Variants in SLC35E1 observed in about 807,000 individuals in gnomAD.
SLC35E1 encodes the protein solute carrier family 35, member E1.
A neutral mutation model predicts 31.0 loss-of-function variants in SLC35E1; 12 were observed. The ratio of observed to expected loss-of-function variants is 0.39; its 90% CI spans 0.25 to 0.63. SLC35E1 has a LOEUF of 0.63. SLC35E1 is among the 20% of genes least tolerant of loss of function. The pLI is 0.52. For synonymous variants in SLC35E1, 257 were observed against 264.1 expected (o/e 0.97, Z 0.26); for missense variants, 429 against 572.2 (o/e 0.75, Z 2.55).
Position 16,555,210 on chromosome 19 carries a change from G to T in SLC35E1, c.944C>A (p.Thr315Asn). Residue 315 changes from threonine (T) to asparagine (N), a missense_variant, in exon 5 of 6, where the codon ACC (threonine) becomes AAC (asparagine). Thr to Asn is a moderately conservative substitution (Grantham distance 65). Transcript: ENST00000595753. This position sits in a 1 kb window ranked among gnomAD's most constrained non-coding sequence, Gnocchi z 4.1. ...CATCATGCCCAGGACGTTGGTGCTG[G>T]TGACTGGGTTGCGCAGCATGATCAG... ...VSLIMLRNPV[T>N]STNVLGMMTA... is the part of the protein sequence containing the mutation. The T allele has an allele frequency of 6.2e-7, 1 of 1,614,188 alleles. No individual in the cohort carries two copies. The highest frequency in any genetic ancestry group is 8.5e-7 in the Non-Finnish European group (1 of 1,180,032).
At chr19:16,561,958 C>A (rs977119812) in intron 4 of SLC35E1, among the ~76,000 whole-genome samples, 1 of 151,894 alleles carries the variant, frequency 6.6e-6, no homozygotes, top group Admixed American at 6.6e-5. Context: ...GAGGCCAAGG[C>A]GGGAGGATGG....
At chr19:16,566,507 G>A (rs373652405) in intron 4 of SLC35E1, 25 bp downstream of exon 4, 9 of 1,611,584 alleles carry the variant, frequency 5.6e-6, no homozygotes, top group South Asian at 4.4e-5. Context: ...AGAAAATGGC[G>A]TGTTCTTGGT....
At chr19:16,571,099 A>G (rs1385993588) in intron 2 of SLC35E1, among the ~76,000 whole-genome samples, 8 of 151,564 alleles carry the variant, frequency 5.3e-5, no homozygotes. Context: ...CCGTCTCAAA[A>G]AAAAAAAAAA....
At chr19:16,560,693 C>T (rs2085900262) in intron 4 of SLC35E1, among the ~76,000 whole-genome samples, 1 of 147,310 alleles carries the variant, frequency 6.8e-6, no homozygotes, top group African/African-American at 2.5e-5. Context: ...GAAACCCCGT[C>T]TCTACTAAAA....
At chr19:16,556,584 A>G (rs1368525341) in intron 4 of SLC35E1, among the ~76,000 whole-genome samples, 1 of 152,256 alleles carries the variant, frequency 6.6e-6, no homozygotes, top group Non-Finnish European at 1.5e-5. Context: ...CCAGAAATTA[A>G]GAAATCACAA....
intron 4 of SLC35E1, among the ~76,000 whole-genome samples, chr19:16,563,052 C>T (rs1274026428): frequency 2.0e-5 from 3 of 152,068 alleles, no homozygotes; most frequent in South Asian, 2.1e-4. Context: ...TGGGCGTGGT[C>T]GCTTACGCCT....
intron 4 of SLC35E1, among the ~76,000 whole-genome samples, chr19:16,560,169 ATG>A (rs1006088643): frequency 9.2e-5 from 14 of 151,992 alleles, no homozygotes; most frequent in African/African-American, 3.4e-4. Flanking sequence ...TCATCCTCAC[ATG>A]TGTGACGCTC....
In SLC35E1 at chr19:16,550,938, T is replaced by A. The variant is rs1358091177; in HGVS notation, c.*2741A>T. ...TTTCCCGTCACCAGCAGATCTTGCA[T>A]TGGAAAAGGAAAATAATATACAAAT... On this transcript the variant is annotated 3_prime_UTR_variant, in exon 6 of 6. Coordinates refer to ENST00000595753, the MANE Select transcript of SLC35E1 (RefSeq NM_024881.5). 1 of 152,182 alleles carries A rather than the reference T, an allele frequency of 6.6e-6. No homozygotes were observed. Among genetic ancestry groups the A allele is most frequent in the African/African-American group, 2.4e-5 (1 of 41,430 alleles). 9.4% of individuals were successfully genotyped at this position (152,182 alleles called of 1,614,324 possible). A position where few individuals can be genotyped will look rare whatever the true frequency, so the allele number is the denominator to read the frequency against.
intron 5 of SLC35E1, among the ~76,000 whole-genome samples, chr19:16,554,110 C>CA (rs1438332341): frequency 6.6e-6 from 1 of 150,896 alleles, no homozygotes; most frequent in Non-Finnish European, 1.5e-5. Flanking sequence ...ACTAAAAATA[C>CA]AAAAAATTAA....
At position 16,554,754 on chromosome 19, in the gene SLC35E1, G is replaced by GT. The variant is rs539430201; in HGVS notation, c.1002+397dup. Among the ~76,000 whole-genome samples, 438 of 148,642 alleles carry GT rather than the reference G, an allele frequency of 2.9e-3. 2 individuals are homozygous for GT. The highest frequency in any genetic ancestry group is 3.7e-3 in the Non-Finnish European group (249 of 67,270). On this transcript the variant is annotated intron_variant, in intron 5 of 5. Coordinates refer to ENST00000595753, the MANE Select transcript of SLC35E1 (RefSeq NM_024881.5). ...AATCGCTTGACCCCGGGAGGCGGAG[G>GT]TTGCAGTAAGCTGGGATGGAGCGCC...
chr19:16,563,086 C>T (rs759740265), intron 4 of SLC35E1, among the ~76,000 whole-genome samples: 7 of 151,944 alleles, frequency 4.6e-5, no homozygotes, highest in Non-Finnish European at 5.9e-5. Flanking sequence ...TTTGGGAGGC[C>T]GAAGTGGGTG....
rs2085964434 is a variant in SLC35E1, at chr19:16,572,308, G to A, written c.57C>T (p.Ser19=). Reference sequence around the variant, plus strand: ...CGCCCTCGCGCGCCCCACCACTGCTGCTCGCTGCGCCCGGGCCCCCCGCGC... The same window carrying A: ...CGCCCTCGCGCGCCCCACCACTGCTACTCGCTGCGCCCGGGCCCCCCGCGC... ...GHGAGGPGAA[S]SSGGAREGAR... The change falls in exon 1 of 6, where the codon AGC becomes AGT. Residue 19 remains serine, a synonymous_variant. Transcript: ENST00000595753. This position sits in a 1 kb window ranked among gnomAD's most constrained non-coding sequence, Gnocchi z 4.1. The A allele has an allele frequency of 2.3e-6, 3 of 1,322,914 alleles. No individual in the cohort carries two copies. Among genetic ancestry groups the A allele is most frequent in the African/African-American group, 3.1e-5 (2 of 64,622 alleles). The allele number at this position is 1,322,914 out of a possible 1,614,324, so 81.9% of individuals were successfully genotyped here.
chr19:16,550,519 C>G lies in SLC35E1; in HGVS notation c.*3160G>C, dbSNP rs922715257. The G allele has an allele frequency of 1.3e-5, 2 of 152,248 alleles. No individual in the cohort carries two copies. The highest frequency in any genetic ancestry group is 4.8e-5 in the African/African-American group (2 of 41,418). 9.4% of individuals were successfully genotyped at this position (152,248 alleles called of 1,614,324 possible). On this transcript the variant is annotated 3_prime_UTR_variant, in exon 6 of 6. Coordinates refer to ENST00000595753, the MANE Select transcript of SLC35E1 (RefSeq NM_024881.5). ...GCCAAGGTGGGCGGATCATTTGAGG[C>G]CAGGAGTTCGAGACCAGCCTGGCCA...
At chr19:16,559,530 G>T (rs1176800583) in intron 4 of SLC35E1, among the ~76,000 whole-genome samples, 1 of 150,228 alleles carries the variant, frequency 6.7e-6, no homozygotes, top group African/African-American at 2.5e-5. Context: ...GTGTGAACGT[G>T]TAGTCCCAGC....
Position 16,552,375 on chromosome 19 carries a change from C to T in SLC35E1, c.*1304G>A. The T allele has an allele frequency of 6.6e-6, 1 of 151,626 alleles. No individual in the cohort carries two copies. Among genetic ancestry groups the T allele is most frequent in the Non-Finnish European group, 1.5e-5 (1 of 67,928 alleles). The allele number at this position is 151,626 out of a possible 1,614,324, so 9.4% of individuals were successfully genotyped here. On this transcript the variant is annotated 3_prime_UTR_variant, in exon 6 of 6. Transcript: ENST00000595753. ...TTTTTTTTTGAGATGGAGTCTCGCT[C>T]TGTTACCCAGGCTGGAGTGCACAAT...
chr19:16,572,281 C>G lies in SLC35E1; in HGVS notation c.84G>C (p.Ala28=). The change falls in exon 1 of 6, where the codon GCG becomes GCC. Residue 28 remains alanine (A), a synonymous_variant. Transcript: ENST00000595753. This position sits in a 1 kb window ranked among gnomAD's most constrained non-coding sequence, Gnocchi z 4.1. The part of the protein sequence containing the change: ...ASSSGGAREG[A]RVAALCLLWY... Reference sequence around the variant, plus strand: ...ACAGCAGGCACAGCGCCGCCACCCGCGCGCCCTCGCGCGCCCCACCACTGC... The same window carrying G: ...ACAGCAGGCACAGCGCCGCCACCCGGGCGCCCTCGCGCGCCCCACCACTGC... The G allele has an allele frequency of 6.7e-7, 1 of 1,492,226 alleles. No individual in the cohort carries two copies. The highest frequency in any genetic ancestry group is 8.9e-7 in the Non-Finnish European group (1 of 1,119,322). 92.4% of individuals were successfully genotyped at this position (1,492,226 alleles called of 1,614,324 possible). A position where few individuals can be genotyped will look rare whatever the true frequency, so the allele number is the denominator to read the frequency against.
At chr19:16,570,414 T>C (rs2085951625) in intron 2 of SLC35E1, among the ~76,000 whole-genome samples, 1 of 152,140 alleles carries the variant, frequency 6.6e-6, no homozygotes, top group South Asian at 2.1e-4. Context: ...CTGAGTTACA[T>C]AAAATACAAC....
At chr19:16,564,426 C>G (rs1478036909) in intron 4 of SLC35E1, among the ~76,000 whole-genome samples, 3 of 152,156 alleles carry the variant, frequency 2.0e-5, no homozygotes, top group Non-Finnish European at 4.4e-5. Flanking sequence ...CTGCCTCAGC[C>G]TCCTGAGTAG....
At chr19:16,558,933 C>T (rs1456937469) in intron 4 of SLC35E1, among the ~76,000 whole-genome samples, 4 of 151,832 alleles carry the variant, frequency 2.6e-5, no homozygotes, top group Non-Finnish European at 5.9e-5. Flanking sequence ...CCACGCCCAG[C>T]TAATTTTTGT....
Sources: allele counts gnomAD v4.1 joint callset (sites outside exome capture counted in the v4.1 genomes callset), GRCh38; gene constraint gnomAD v4.1.1; non-coding constraint Gnocchi (gnomAD v3.1); transcripts MANE v1.5; gene names NCBI Gene and HGNC (gene_info 2026-07-23, HGNC 2026-07-21).